The following CXCL8 variants were observed in gnomAD, a reference collection of about 807,000 sequenced individuals.
CXCL8 encodes interleukin-8.
In CXCL8, 12 loss-of-function variants were observed where a neutral mutation model predicts 10.9. The observed-to-expected ratio is 1.10, with a 90% CI of 0.71 to 1.79. The LOEUF is 1.79. Ranked by LOEUF, CXCL8 falls within the 40% of genes most tolerant of loss-of-function variation. The pLI is 0.00. For synonymous variants in CXCL8, 41 were observed against 39.6 expected (o/e 1.03, Z -0.13); for missense variants, 145 against 113.4 (o/e 1.28, Z -1.26).
intron 3 of CXCL8, 50 bp downstream of exon 3, chr4:73,742,082 T>C (rs1256235260): frequency 9.2e-7 from 1 of 1,091,400 alleles, no homozygotes; most frequent in Non-Finnish European, 1.3e-6. Context: ...CTGAGACATA[T>C]AATCCAAAGT....
intron 1 of CXCL8, 45 bp from the exon 2 acceptor site, chr4:73,741,497 T>C: frequency 6.3e-7 from 1 of 1,598,676 alleles, no homozygotes; most frequent in Non-Finnish European, 8.6e-7. Flanking sequence ...GGCAGAGCTG[T>C]GCCTGTTGAT....
rs1311109648 is a variant in CXCL8, at chr4:73,742,014, TGGA to T, written c.268_270del (p.Glu90del). ...AAGGAAAACTGGGTGCAGAGGGTTGTGGAGAAGTTTTTGAAGAGGTAAGTTATA... is the reference window on the plus strand; with the variant it reads ...AAGGAAAACTGGGTGCAGAGGGTTGTGAAGTTTTTGAAGAGGTAAGTTATA... On this transcript the variant is annotated inframe_deletion, in exon 3 of 4. Coordinates refer to ENST00000307407, the MANE Select transcript of CXCL8 (RefSeq NM_000584.4). 1 of 1,605,774 alleles carries T rather than the reference TGGA, an allele frequency of 6.2e-7. No individual in the cohort carries two copies. The highest frequency in any genetic ancestry group is 1.1e-5 in the South Asian group (1 of 90,204).
At chr4:73,741,738 G>T (rs548125253) in intron 2 of CXCL8, 61 bp downstream of exon 2, 2 of 1,480,158 alleles carry the variant, frequency 1.4e-6, no homozygotes, top group East Asian at 2.3e-5. Context: ...AAGGAAGGTG[G>T]AAATATTTAG....
chr4:73,742,923 T>A lies in CXCL8; in HGVS notation c.*459T>A. ...AAATCCTGGATTTTTTTCTGTTAAA[T>A]CTGGCAACCCTAGTCTGCTAGCCAG... On this transcript the variant is annotated 3_prime_UTR_variant, in exon 4 of 4. Coordinates refer to ENST00000307407, the MANE Select transcript of CXCL8 (RefSeq NM_000584.4). The A allele has an allele frequency of 4.3e-6, 1 of 231,506 alleles. No individual in the cohort carries two copies. Among genetic ancestry groups the A allele is most frequent in the East Asian group, 6.1e-5 (1 of 16,304 alleles). 14.3% of individuals were successfully genotyped at this position (231,506 alleles called of 1,614,324 possible). A position where few individuals can be genotyped will look rare whatever the true frequency, so the allele number is the denominator to read the frequency against.
Position 73,743,050 on chromosome 4 carries a change from T to A in CXCL8, c.*586T>A, listed in dbSNP as rs1729223825. The A allele has an allele frequency of 4.4e-6, 1 of 229,694 alleles. No homozygotes were observed. Among genetic ancestry groups the A allele is most frequent in the African/African-American group, 2.2e-5 (1 of 45,168 alleles). 14.2% of individuals were successfully genotyped at this position (229,694 alleles called of 1,614,324 possible). A position where few individuals can be genotyped will look rare whatever the true frequency, so the allele number is the denominator to read the frequency against. On this transcript the variant is annotated 3_prime_UTR_variant, in exon 4 of 4. Transcript: ENST00000307407. ...ACCTCACAGTGATGTTGTGAGGACA[T>A]GTGGAAGCACTTTAAGTTTTTTCAT...
At chr4:73,742,091 G>A in intron 3 of CXCL8, 59 bp downstream of exon 3, 2 of 1,031,234 alleles carry the variant, frequency 1.9e-6, no homozygotes, top group Non-Finnish European at 2.8e-6. Flanking sequence ...ATAATCCAAA[G>A]TCAGCCTATA....
chr4:73,741,181 T>G (rs1242549729), intron 1 of CXCL8, among the ~76,000 whole-genome samples: 1 of 152,304 alleles, frequency 6.6e-6, no homozygotes, highest in East Asian at 1.9e-4. Context: ...TTTCTGTTAA[T>G]TCTTTCTGAA....
chr4:73,740,824 T>C lies in CXCL8; in HGVS notation c.64+102T>C. ...CTTTGGTAACAAACATCCTTTTTAT[T>C]CAGAAACAGAATATAATCTTAGCAG... On this transcript the variant is annotated intron_variant, in intron 1 of 3. Coordinates refer to ENST00000307407, the MANE Select transcript of CXCL8 (RefSeq NM_000584.4). The C allele has an allele frequency of 6.5e-6, 6 of 923,244 alleles. No homozygotes were observed. In the South Asian group the frequency reaches 9.4e-5, roughly 14 times the overall value. 57.2% of individuals were successfully genotyped at this position (923,244 alleles called of 1,614,324 possible). A position where few individuals can be genotyped will look rare whatever the true frequency, so the allele number is the denominator to read the frequency against.
At position 73,742,511 on chromosome 4, in the gene CXCL8, G is replaced by A. The variant is rs1162867372; in HGVS notation, c.*47G>A. 6.2e-6 allele frequency: 8 copies of A among 1,281,332 alleles called. No individual in the cohort carries two copies. The Admixed American group carries it at 1.2e-4, about 19-fold the overall frequency. 79.4% of individuals were successfully genotyped at this position (1,281,332 alleles called of 1,614,324 possible). ...TCCAAGAATCAGTGAAGATGCCAGT[G>A]AAACTTCAAGCAAATCTACTTCAAC... On this transcript the variant is annotated 3_prime_UTR_variant, in exon 4 of 4. Coordinates refer to ENST00000307407, the MANE Select transcript of CXCL8 (RefSeq NM_000584.4).
At chr4:73,741,026 T>C (rs1379369297) in intron 1 of CXCL8, among the ~76,000 whole-genome samples, 2 of 152,192 alleles carry the variant, frequency 1.3e-5, no homozygotes, top group African/African-American at 4.8e-5. Context: ...ACCTATATTA[T>C]GTATTAATAT....
chr4:73,742,099 A>G, intron 3 of CXCL8, 67 bp downstream of exon 3: 2 of 980,404 alleles, frequency 2.0e-6, no homozygotes, highest in South Asian at 1.6e-5. Context: ...AAGTCAGCCT[A>G]TAAATTTCTT....
In CXCL8 at chr4:73,743,671, A is replaced by G. The variant is rs1729240657; in HGVS notation, c.*1207A>G. On this transcript the variant is annotated 3_prime_UTR_variant, in exon 4 of 4. Coordinates refer to ENST00000307407, the MANE Select transcript of CXCL8 (RefSeq NM_000584.4). ...ACTGTTTCTGATTGTATGGAAATATAAAAGTAAATATGAAACATTTAAAAT... is the reference window on the plus strand; with the variant it reads ...ACTGTTTCTGATTGTATGGAAATATGAAAGTAAATATGAAACATTTAAAAT... 1 of 199,552 alleles carries G rather than the reference A, an allele frequency of 5.0e-6. No homozygotes were observed. The highest frequency in any genetic ancestry group is 6.0e-5 in the Admixed American group (1 of 16,668). 12.4% of individuals were successfully genotyped at this position (199,552 alleles called of 1,614,324 possible).
chr4:73,741,312 G>T (rs1196270899), intron 1 of CXCL8, among the ~76,000 whole-genome samples: 1 of 152,146 alleles, frequency 6.6e-6, no homozygotes, highest in Non-Finnish European at 1.5e-5. Context: ...TGTACAAAAA[G>T]AACTCTAACT....
In CXCL8 at chr4:73,742,605, A is replaced by G. The variant is rs1202936436; in HGVS notation, c.*141A>G. On this transcript the variant is annotated 3_prime_UTR_variant, in exon 4 of 4. Transcript: ENST00000307407. ...ATACAAGATTCCTGGTTAAATTTGA[A>G]TTTCAGTAAACAATGAATAGTTTTT... 6.4e-6 allele frequency: 3 copies of G among 467,616 alleles called. No homozygotes were observed. The highest frequency in any genetic ancestry group is 1.2e-5 in the Non-Finnish European group (3 of 257,246). 29.0% of individuals were successfully genotyped at this position (467,616 alleles called of 1,614,324 possible). A position where few individuals can be genotyped will look rare whatever the true frequency, so the allele number is the denominator to read the frequency against.
At position 73,743,296 on chromosome 4, in the gene CXCL8, T is replaced by A; in HGVS notation, c.*832T>A. On this transcript the variant is annotated 3_prime_UTR_variant, in exon 4 of 4. Transcript: ENST00000307407. ...GTTTTTAGATTAAACAAACAAACAA[T>A]TGGGTACCCAGTTAAATTTTCATTT... is the stretch of plus-strand genomic sequence containing the variant. The A allele has an allele frequency of 4.7e-6, 1 of 214,676 alleles. No individual in the cohort carries two copies. The highest frequency in any genetic ancestry group is 9.4e-6 in the Non-Finnish European group (1 of 106,408). 13.3% of individuals were successfully genotyped at this position (214,676 alleles called of 1,614,324 possible).
At position 73,742,477 on chromosome 4, in the gene CXCL8, T is replaced by C. The variant is rs1222336068; in HGVS notation, c.*13T>C. 5 of 1,443,048 alleles carry C rather than the reference T, an allele frequency of 3.5e-6. No homozygotes were observed. The African/African-American group carries it at 5.7e-5, about 16-fold the overall frequency. The allele number at this position is 1,443,048 out of a possible 1,614,324, so 89.4% of individuals were successfully genotyped here. The stretch of plus-strand genomic sequence containing the variant: ...TGAGAATTCATAAAAAAATTCATTC[T>C]CTGTGGTATCCAAGAATCAGTGAAG... On this transcript the variant is annotated 3_prime_UTR_variant, in exon 4 of 4. Coordinates refer to ENST00000307407, the MANE Select transcript of CXCL8 (RefSeq NM_000584.4).
At position 73,740,641 on chromosome 4, in the gene CXCL8, AT is replaced by A. The variant is rs757213702; in HGVS notation, c.-17del. ...CAGGAAGAAACCACCGGAAGGAACC[AT>A]CTCACTGTGTGTAAACATGACTTCC... On this transcript the variant is annotated 5_prime_UTR_variant, in exon 1 of 4. Transcript: ENST00000307407. 92 of 1,612,086 alleles carry A rather than the reference AT, an allele frequency of 5.7e-5. No individual in the cohort carries two copies. The Admixed American group carries it at 6.0e-4, about 11-fold the overall frequency.
Position 73,742,549 on chromosome 4 carries a change from G to A in CXCL8, c.*85G>A. The stretch of plus-strand genomic sequence containing the variant: ...AATCTACTTCAACACTTCATGTATT[G>A]TGTGGGTCTGTTGTAGGGTTGCCAG... On this transcript the variant is annotated 3_prime_UTR_variant, in exon 4 of 4. Transcript: ENST00000307407. The A allele has an allele frequency of 1.3e-6, 1 of 774,880 alleles. No homozygotes were observed. Among genetic ancestry groups the A allele is most frequent in the South Asian group, 1.8e-5 (1 of 54,080 alleles). The allele number at this position is 774,880 out of a possible 1,614,324, so 48.0% of individuals were successfully genotyped here. A position where few individuals can be genotyped will look rare whatever the true frequency, so the allele number is the denominator to read the frequency against.
intron 1 of CXCL8, 136 bp downstream of exon 1, chr4:73,740,858 T>G (rs762735032): frequency 7.8e-5 from 54 of 695,474 alleles, no homozygotes; most frequent in African/African-American, 1.5e-4. Context: ...AGTCAATTAA[T>G]GTTAAATTGA....
Sources: allele counts gnomAD v4.1 joint callset (sites outside exome capture counted in the v4.1 genomes callset), GRCh38; gene constraint gnomAD v4.1.1; transcripts MANE v1.5; gene names NCBI Gene and HGNC (gene_info 2026-07-23, HGNC 2026-07-21).